Variants in TMEM236 observed in about 807,000 individuals in gnomAD.
The protein encoded by TMEM236 is family with sequence similarity 23, member A.
A neutral mutation model predicts 14.7 loss-of-function variants in TMEM236; 11 were observed. The ratio of observed to expected loss-of-function variants is 0.75; its 90% CI spans 0.47 to 1.24. TMEM236 has a LOEUF of 1.24. Ranked by LOEUF, TMEM236 falls within the 50% of genes most tolerant of loss-of-function variation. TMEM236 has a pLI of 0.00. For synonymous variants in TMEM236, 182 were observed against 168.6 expected (o/e 1.08, Z -0.62); for missense variants, 464 against 427.3 (o/e 1.09, Z -0.76).
At chr10:17,778,244 C>T (rs1381266311) in intron 3 of TMEM236, among the ~76,000 whole-genome samples, 2 of 152,158 alleles carry the variant, frequency 1.3e-5, no homozygotes, top group African/African-American at 4.8e-5. Context: ...TTTGATAGTT[C>T]CACCGTTTAA....
intron 3 of TMEM236, among the ~76,000 whole-genome samples, chr10:17,793,676 G>T (rs1478035007): frequency 6.6e-6 from 1 of 151,976 alleles, no homozygotes; most frequent in Non-Finnish European, 1.5e-5. Context: ...AGTAGAAATG[G>T]GTTTCACCAT....
intron 1 of TMEM236, among the ~76,000 whole-genome samples, chr10:17,768,358 C>T (rs1837509184): frequency 1.3e-5 from 2 of 152,056 alleles, no homozygotes; most frequent in South Asian, 4.1e-4. Flanking sequence ...TGGATTACTA[C>T]ATAATTCTTT....
rs1362063560 is a variant in TMEM236, at chr10:17,800,159, A to C, written c.*3655A>C. ...CTGAATCAGAATTGCTTGAACCCGGAGGGCAGAGGTTGCAGTGAGCTGAGA... is the reference window on the plus strand; with the variant it reads ...CTGAATCAGAATTGCTTGAACCCGGCGGGCAGAGGTTGCAGTGAGCTGAGA... On this transcript the variant is annotated 3_prime_UTR_variant, in exon 4 of 4. Coordinates refer to ENST00000377495, the MANE Select transcript of TMEM236 (RefSeq NM_001098844.3). The C allele has an allele frequency of 6.6e-6, 1 of 151,138 alleles. No individual in the cohort carries two copies. Among genetic ancestry groups the C allele is most frequent in the Non-Finnish European group, 1.5e-5 (1 of 67,872 alleles). 9.4% of individuals were successfully genotyped at this position (151,138 alleles called of 1,614,324 possible).
chr10:17,753,703 G>A (rs562410873), intron 1 of TMEM236, among the ~76,000 whole-genome samples: 112 of 152,292 alleles, frequency 7.4e-4, no homozygotes, highest in African/African-American at 2.6e-3. Context: ...GTACTGCAAC[G>A]AACATACGGG....
Position 17,774,889 on chromosome 10 carries a change from C to T in TMEM236, c.331-1140C>T, listed in dbSNP as rs1837635030. On this transcript the variant is annotated intron_variant, in intron 2 of 3. Transcript: ENST00000377495. ...CTCAGCTCACTGCGACCTCTGCCTC[C>T]TGGGTTCAAGCAATTCTCCTGCCTC... 4.6e-5 allele frequency among the ~76,000 whole-genome samples: 7 copies of T among 151,792 alleles called. No homozygotes were observed. The South Asian group carries it at 1.5e-3, about 32-fold the overall frequency.
rs989620174 is a variant in TMEM236 at position 17,781,390 on chromosome 10, T to C, written c.472+5220T>C. Among the ~76,000 whole-genome samples the C allele has an allele frequency of 6.0e-4, 92 of 152,296 alleles. 1 individual carries two copies. In the East Asian group the frequency reaches 0.014, roughly 22 times the overall value. ...AAGTTTCCTTCTTAAAACTGACTAC[T>C]GTTCATCAAATTGTCATTTCAGAAA... On this transcript the variant is annotated intron_variant, in intron 3 of 3. Coordinates refer to ENST00000377495, the MANE Select transcript of TMEM236 (RefSeq NM_001098844.3).
chr10:17,770,066 T>C (rs1487229447), intron 1 of TMEM236, among the ~76,000 whole-genome samples: 1 of 152,126 alleles, frequency 6.6e-6, no homozygotes, highest in Non-Finnish European at 1.5e-5. Flanking sequence ...AGCTCCCACT[T>C]ATAAGTGAGA....
chr10:17,758,878 A>G (rs1232122349), intron 1 of TMEM236, among the ~76,000 whole-genome samples: 6 of 152,212 alleles, frequency 3.9e-5, no homozygotes, highest in Admixed American at 2.0e-4. Flanking sequence ...CAGAGGTATT[A>G]TGTGTTATTT....
At chr10:17,764,759 C>T (rs1259159421) in intron 1 of TMEM236, among the ~76,000 whole-genome samples, 1 of 151,852 alleles carries the variant, frequency 6.6e-6, no homozygotes, top group African/African-American at 2.4e-5. Flanking sequence ...CTGATCTGTG[C>T]CTTCATCTTC....
chr10:17,766,530 G>A (rs1178189056), intron 1 of TMEM236, among the ~76,000 whole-genome samples: 1 of 152,062 alleles, frequency 6.6e-6, no homozygotes, highest in Non-Finnish European at 1.5e-5. Context: ...TTTAACACCT[G>A]TGTTTCTACC....
chr10:17,775,640 T>A (rs1015509784), intron 2 of TMEM236, among the ~76,000 whole-genome samples: 18 of 152,236 alleles, frequency 1.2e-4, no homozygotes, highest in Non-Finnish European at 2.4e-4. Flanking sequence ...GCCAGAATTA[T>A]CTGAGTTCTG....
At position 17,799,773 on chromosome 10, in the gene TMEM236, A is replaced by G. The variant is rs1023036989; in HGVS notation, c.*3269A>G. The G allele has an allele frequency of 6.6e-6, 1 of 152,598 alleles. No individual in the cohort carries two copies. Among genetic ancestry groups the G allele is most frequent in the Non-Finnish European group, 1.5e-5 (1 of 68,032 alleles). 9.5% of individuals were successfully genotyped at this position (152,598 alleles called of 1,614,324 possible). A position where few individuals can be genotyped will look rare whatever the true frequency, so the allele number is the denominator to read the frequency against. On this transcript the variant is annotated 3_prime_UTR_variant, in exon 4 of 4. Transcript: ENST00000377495. ...GTGCTCAGATAAACTCAAAAGTATTACTTGAGTTTAGAATGCATTTTGTAT... is the reference window on the plus strand; with the variant it reads ...GTGCTCAGATAAACTCAAAAGTATTGCTTGAGTTTAGAATGCATTTTGTAT...
intron 1 of TMEM236, among the ~76,000 whole-genome samples, chr10:17,763,191 G>A (rs2436692): frequency 0.85 from 129,870 of 152,120 alleles, 55,620 homozygotes; most frequent in East Asian, 1. Flanking sequence ...AAAACTTAGT[G>A]CTTACTGGGC....
chr10:17,798,281 G>C lies in TMEM236; in HGVS notation c.*1777G>C, dbSNP rs2130544411. The C allele has an allele frequency of 3.6e-6, 1 of 278,994 alleles. No individual in the cohort carries two copies. The highest frequency in any genetic ancestry group is 3.7e-5 in the South Asian group (1 of 27,168). The allele number at this position is 278,994 out of a possible 1,614,324, so 17.3% of individuals were successfully genotyped here. On this transcript the variant is annotated 3_prime_UTR_variant, in exon 4 of 4. Coordinates refer to ENST00000377495, the MANE Select transcript of TMEM236 (RefSeq NM_001098844.3). ...TGGCCGGCTGTGGTGGCTCACACGT[G>C]TAATCCCAGCACTTTGGGAGGTTGA...
chr10:17,773,816 A>T (rs1308173416), intron 2 of TMEM236, among the ~76,000 whole-genome samples: 1 of 152,220 alleles, frequency 6.6e-6, no homozygotes, highest in Non-Finnish European at 1.5e-5. Context: ...TATTCAGATT[A>T]TACAAGCCTT....
In TMEM236 at chr10:17,775,066, G is replaced by A. The variant is rs1452892576; in HGVS notation, c.331-963G>A. Among the ~76,000 whole-genome samples the A allele has an allele frequency of 1.3e-4, 20 of 152,212 alleles. 2 individuals are homozygous for A. The highest frequency in any genetic ancestry group is 1.9e-4 in the African/African-American group (8 of 41,538). Reference sequence around the variant, plus strand: ...TCCACCTGCCTCGTCTTCCCAAAGTGTTGGGATTACAGGTGTGAACCACTG... The same window carrying A: ...TCCACCTGCCTCGTCTTCCCAAAGTATTGGGATTACAGGTGTGAACCACTG... On this transcript the variant is annotated intron_variant, in intron 2 of 3. Transcript: ENST00000377495.
chr10:17,796,055 G>T lies in TMEM236; in HGVS notation c.607G>T (p.Ala203Ser). 7 of 1,613,936 alleles carry T rather than the reference G, an allele frequency of 4.3e-6. No individual in the cohort carries two copies. The highest frequency in any genetic ancestry group is 2.2e-5 in the East Asian group (1 of 44,878). The change falls in exon 4 of 4, where the codon GCC (alanine) becomes TCC (serine). Residue 203 changes from alanine (A) to serine (S), a missense_variant. By Grantham distance (99) the Ala-to-Ser change is moderately conservative. Coordinates refer to ENST00000377495, the MANE Select transcript of TMEM236 (RefSeq NM_001098844.3). ...CACCCAGGTGTCGCAGCCATCAGGA[G>T]CCATGACACGGAGCCAGGAGTCTGT... ...NSTQVSQPSGAMTRSQESVFM... is the reference protein window; with the variant it reads ...NSTQVSQPSGSMTRSQESVFM...
chr10:17,776,098 G>A lies in TMEM236; in HGVS notation c.400G>A (p.Val134Ile), dbSNP rs1837655083. 6 of 1,613,766 alleles carry A rather than the reference G, an allele frequency of 3.7e-6. No individual in the cohort carries two copies. The African/African-American group carries it at 5.3e-5, about 14-fold the overall frequency. Residue 134 changes from valine to isoleucine, a missense_variant, in exon 3 of 4, where the codon GTT becomes ATT. Physicochemically the swap from Val to Ile is conservative, Grantham distance 29. Transcript: ENST00000377495. Reference protein sequence around the residue: ...DMLPDLPVSLVLLSLIMVDII... With the variant: ...DMLPDLPVSLILLSLIMVDII... The stretch of plus-strand genomic sequence containing the variant: ...GTTACCTGACCTGCCCGTATCTCTG[G>A]TTCTGTTATCCCTGATCATGGTTGA...
chr10:17,754,089 A>G (rs1837248550), intron 1 of TMEM236, among the ~76,000 whole-genome samples: 1 of 152,228 alleles, frequency 6.6e-6, no homozygotes, highest in Admixed American at 6.5e-5. Flanking sequence ...AGTTCATGCT[A>G]TTCTAAGTAG....
Sources: allele counts gnomAD v4.1 joint callset (sites outside exome capture counted in the v4.1 genomes callset), GRCh38; gene constraint gnomAD v4.1.1; transcripts MANE v1.5; gene names NCBI Gene and HGNC (gene_info 2026-07-23, HGNC 2026-07-21).